Variants in MLANA observed in about 807,000 individuals in gnomAD.
The protein encoded by MLANA is melanoma antigen recognized by T-cells 1.
MLANA carries 21 observed loss-of-function variants against 15.7 expected under a neutral mutation model. The ratio of observed to expected loss-of-function variants is 1.33; its 90% CI spans 0.95 to 1.92. The LOEUF (loss-of-function observed/expected upper bound fraction) is 1.92, where lower values mean the gene tolerates loss of function less well. MLANA is among the 40% of genes most tolerant of loss of function. The probability of loss-of-function intolerance (pLI) is 0.00; values close to 1 mark genes in which losing one functional copy is unlikely to be tolerated. For synonymous variants in MLANA, 56 were observed against 51.5 expected, an observed-to-expected ratio of 1.09 and a Z score of -0.37; for missense variants, 164 against 143.8, an observed-to-expected ratio of 1.14 and a Z score of -0.72.
At position 5,892,606 on chromosome 9, in the gene MLANA, C is replaced by G; in HGVS notation, c.77+55C>G. The G allele has an allele frequency of 5.4e-6, 8 of 1,471,112 alleles. No homozygotes were observed. In the South Asian group the frequency reaches 7.2e-5, roughly 13 times the overall value. The allele number at this position is 1,471,112 out of a possible 1,614,324, so 91.1% of individuals were successfully genotyped here. ...TCCAGTTTGCCGTTTGCTGACACAG[C>G]CTGCTGACTTCCACCAGTACATGCC... On this transcript the variant is annotated intron_variant, in intron 2 of 4. Coordinates refer to ENST00000381477, the MANE Select transcript of MLANA (RefSeq NM_005511.2).
At chr9:5,898,557 C>T (rs978497371) in intron 3 of MLANA, among the ~76,000 whole-genome samples, 4 of 152,160 alleles carry the variant, frequency 2.6e-5, no homozygotes, top group Non-Finnish European at 5.9e-5. Context: ...TTTGGTTCTA[C>T]TCATAGCAGA....
At chr9:5,897,010 T>C (rs1209269118) in intron 2 of MLANA, among the ~76,000 whole-genome samples, 1 of 152,224 alleles carries the variant, frequency 6.6e-6, no homozygotes, top group Non-Finnish European at 1.5e-5. Context: ...CTCTGTATGA[T>C]CACCAGCGAG....
chr9:5,893,558 G>A (rs963200091), intron 2 of MLANA, among the ~76,000 whole-genome samples: 18 of 152,138 alleles, frequency 1.2e-4, no homozygotes, highest in African/African-American at 4.3e-4. Context: ...AGATGAGGGC[G>A]GCGGTATCTT....
chr9:5,908,097 A>C (rs1336107013), intron 4 of MLANA, among the ~76,000 whole-genome samples: 2 of 152,222 alleles, frequency 1.3e-5, no homozygotes, highest in African/African-American at 4.8e-5. Flanking sequence ...TAGCTCCACA[A>C]CTTACTAGTT....
rs879075982 is a variant in MLANA, at chr9:5,892,534, T to C, written c.60T>C (p.Ser20=). 1 of 1,613,388 alleles carries C rather than the reference T, an allele frequency of 6.2e-7. No individual in the cohort carries two copies. Among genetic ancestry groups the C allele is most frequent in the South Asian group, 1.1e-5 (1 of 90,912 alleles). The change falls in exon 2 of 5, where the codon TCT becomes TCC. Residue 20 remains serine, a synonymous_variant. Coordinates refer to ENST00000381477, the MANE Select transcript of MLANA (RefSeq NM_005511.2). ...YGYPKKGHGH[S]YTTAEEAAGI... ...ACCCCAAGAAGGGGCACGGCCACTC[T>C]TACACCACGGCTGAAGAGTAAGTTC...
chr9:5,901,651 T>G (rs933281359), intron 3 of MLANA, among the ~76,000 whole-genome samples: 5 of 152,166 alleles, frequency 3.3e-5, no homozygotes, highest in Admixed American at 2.0e-4. Context: ...TCCAAGTAGC[T>G]GGGACCACAG....
chr9:5,891,610 T>C (rs899719093), intron 1 of MLANA, among the ~76,000 whole-genome samples: 1 of 152,114 alleles, frequency 6.6e-6, no homozygotes, highest in African/African-American at 2.4e-5. Flanking sequence ...TACACAATAA[T>C]AAGGAAAGGA....
chr9:5,894,633 G>A lies in MLANA; in HGVS notation c.77+2082G>A, dbSNP rs568858395. 3.0e-4 allele frequency among the ~76,000 whole-genome samples: 45 copies of A among 152,304 alleles called. No homozygotes were observed. The highest frequency in any genetic ancestry group is 1.0e-3 in the African/African-American group (43 of 41,568). On this transcript the variant is annotated intron_variant, in intron 2 of 4. Coordinates refer to ENST00000381477, the MANE Select transcript of MLANA (RefSeq NM_005511.2). The surrounding 1 kb of genome is among the most constrained non-coding windows in gnomAD (Gnocchi z 4.0). ...CTCTGCTGGGGAGGGGCATAATGAA[G>A]CTGGCTCTGACAATGCCGGAAAACG...
chr9:5,891,163 G>C (rs1440273982), intron 1 of MLANA: 1 of 152,132 alleles, frequency 6.6e-6, no homozygotes, highest in Admixed American at 6.5e-5. Flanking sequence ...CAATTATTCA[G>C]GATGGCATCT....
intron 3 of MLANA, among the ~76,000 whole-genome samples, chr9:5,902,098 TA>T (rs1832466549): frequency 6.6e-6 from 1 of 152,214 alleles, no homozygotes; most frequent in African/African-American, 2.4e-5. Flanking sequence ...ATATCTTTCT[TA>T]AATGTTTGGT....
In MLANA at chr9:5,909,422, C is replaced by A; in HGVS notation, c.*714C>A. The A allele has an allele frequency of 6.6e-6, 1 of 152,420 alleles. No homozygotes were observed. Among genetic ancestry groups the A allele is most frequent in the East Asian group, 1.9e-4 (1 of 5,192 alleles). 9.4% of individuals were successfully genotyped at this position (152,420 alleles called of 1,614,324 possible). On this transcript the variant is annotated 3_prime_UTR_variant, in exon 5 of 5. Coordinates refer to ENST00000381477, the MANE Select transcript of MLANA (RefSeq NM_005511.2). ...TACAGGCGTGCGCCACTATGCCTGA[C>A]TAATTTTGTAGTTTTAGTAGAGACG...
At position 5,892,444 on chromosome 9, in the gene MLANA, T is replaced by G; in HGVS notation, c.-25-6T>G. ...ATTAATGATGCCCACATGCTCCTTC[T>G]GTTAGGTGTCCTGTGCCCTGACCCT... is the stretch of plus-strand genomic sequence containing the variant. On this transcript the variant is annotated splice_polypyrimidine_tract_variant and splice_region_variant and intron_variant, in intron 1 of 4. Coordinates refer to ENST00000381477, the MANE Select transcript of MLANA (RefSeq NM_005511.2). 1 of 1,598,770 alleles carries G rather than the reference T, an allele frequency of 6.3e-7. No individual in the cohort carries two copies. Among genetic ancestry groups the G allele is most frequent in the Non-Finnish European group, 8.5e-7 (1 of 1,172,836 alleles).
intron 3 of MLANA, among the ~76,000 whole-genome samples, chr9:5,905,967 T>A (rs1311515311): frequency 2.6e-5 from 4 of 152,228 alleles, no homozygotes; most frequent in African/African-American, 4.8e-5. Flanking sequence ...TTGCTGTTAT[T>A]AATTTCAAGT....
intron 3 of MLANA, among the ~76,000 whole-genome samples, chr9:5,904,925 T>C (rs575550746): frequency 1.3e-5 from 2 of 152,020 alleles, no homozygotes; most frequent in South Asian, 4.2e-4. Flanking sequence ...AGGTGCCCGC[T>C]ACCATGCCTG....
At chr9:5,905,384 C>T (rs1172942771) in intron 3 of MLANA, among the ~76,000 whole-genome samples, 1 of 152,108 alleles carries the variant, frequency 6.6e-6, no homozygotes, top group East Asian at 1.9e-4. Flanking sequence ...GTACAACTGA[C>T]CAGCATTAAT....
rs908495237 is a variant in MLANA, at chr9:5,908,831, A to G, written c.*123A>G. The stretch of plus-strand genomic sequence containing the variant: ...GGAAAAATGCAAGCCATCTCTAATA[A>G]TAAGTCAGTGTTAAAATTTTAGTAG... On this transcript the variant is annotated 3_prime_UTR_variant, in exon 5 of 5. Coordinates refer to ENST00000381477, the MANE Select transcript of MLANA (RefSeq NM_005511.2). 1 of 877,496 alleles carries G rather than the reference A, an allele frequency of 1.1e-6. No individual in the cohort carries two copies. The highest frequency in any genetic ancestry group is 1.8e-6 in the Non-Finnish European group (1 of 551,048). The allele number at this position is 877,496 out of a possible 1,614,324, so 54.4% of individuals were successfully genotyped here.
intron 2 of MLANA, among the ~76,000 whole-genome samples, chr9:5,896,868 G>A (rs972974401): frequency 6.6e-6 from 1 of 152,258 alleles, no homozygotes; most frequent in African/African-American, 2.4e-5. Flanking sequence ...TAATGCCACA[G>A]CTTTGCTGTA....
chr9:5,901,582 A>C (rs1251113609), intron 3 of MLANA, among the ~76,000 whole-genome samples: 1 of 151,962 alleles, frequency 6.6e-6, no homozygotes, highest in Non-Finnish European at 1.5e-5. Flanking sequence ...GCAGTGGCTC[A>C]ATCTCAGCTT....
Position 5,910,135 on chromosome 9 carries a change from A to C in MLANA, c.*1427A>C, listed in dbSNP as rs1833075834. On this transcript the variant is annotated 3_prime_UTR_variant, in exon 5 of 5. Transcript: ENST00000381477. ...ATTAACAAGGATCAGAGAAAAGTTA[A>C]AGGCTGTCTTTGACATAACTGGAAG... is the stretch of plus-strand genomic sequence containing the variant. 1 of 152,246 alleles carries C rather than the reference A, an allele frequency of 6.6e-6. No individual in the cohort carries two copies. The highest frequency in any genetic ancestry group is 1.5e-5 in the Non-Finnish European group (1 of 68,042). The allele number at this position is 152,246 out of a possible 1,614,324, so 9.4% of individuals were successfully genotyped here.
Sources: allele counts gnomAD v4.1 joint callset (sites outside exome capture counted in the v4.1 genomes callset), GRCh38; gene constraint gnomAD v4.1.1; non-coding constraint Gnocchi (gnomAD v3.1); transcripts MANE v1.5; gene names NCBI Gene and HGNC (gene_info 2026-07-23, HGNC 2026-07-21).